EML4: variants seen among roughly 807,000 people sequenced by gnomAD.
The protein encoded by EML4 is echinoderm microtubule-associated protein-like 4.
EML4 carries 72 observed loss-of-function variants against 129.0 expected under a neutral mutation model. The observed-to-expected ratio is 0.56, with a 90% CI of 0.46 to 0.68. EML4 has a LOEUF of 0.68. Among genes scored for constraint, EML4 ranks in the 30% least tolerant of loss-of-function variants. The pLI, the probability that EML4 is intolerant of heterozygous loss-of-function variation, is 0.00. For synonymous variants in EML4, 532 were observed against 405.0 expected (o/e 1.31, Z -3.77); for missense variants, 1,363 against 1,190.6 (o/e 1.14, Z -2.13).
At chr2:42,192,008 A>C (rs1486171176) in intron 1 of EML4, among the ~76,000 whole-genome samples, 2 of 151,708 alleles carry the variant, frequency 1.3e-5, no homozygotes, top group Non-Finnish European at 2.9e-5. Flanking sequence ...GCATGGTGGC[A>C]CATGCCTGTA....
At chr2:42,283,641 A>C (rs1392644550) in intron 8 of EML4, among the ~76,000 whole-genome samples, 1 of 152,174 alleles carries the variant, frequency 6.6e-6, no homozygotes, top group African/African-American at 2.4e-5. Context: ...TTTATCCAGA[A>C]AAAAATTAAT....
At chr2:42,234,393 G>C (rs561555869) in intron 1 of EML4, among the ~76,000 whole-genome samples, 79 of 152,162 alleles carry the variant, frequency 5.2e-4, no homozygotes, top group Non-Finnish European at 2.1e-4. Context: ...TCGGTGGTGG[G>C]AACGGAAGAC....
At chr2:42,223,440 C>G (rs922169059) in intron 1 of EML4, among the ~76,000 whole-genome samples, 1 of 152,100 alleles carries the variant, frequency 6.6e-6, no homozygotes, top group African/African-American at 2.4e-5. Context: ...ATCATTTGAA[C>G]CTGTAAAGAC....
intron 1 of EML4, chr2:42,169,988 C>T (rs1047537000): frequency 7.2e-5 from 17 of 236,438 alleles, no homozygotes; most frequent in Non-Finnish European, 1.3e-4. Context: ...AGAGTTGGGA[C>T]ATTTCTTCAA....
At chr2:42,260,327 C>A (rs1282797720) in intron 3 of EML4, among the ~76,000 whole-genome samples, 1 of 152,150 alleles carries the variant, frequency 6.6e-6, no homozygotes, top group Non-Finnish European at 1.5e-5. Flanking sequence ...GCCACTGCGC[C>A]AAGCTAATTT....
At chr2:42,193,041 C>G (rs1385388888) in intron 1 of EML4, among the ~76,000 whole-genome samples, 1 of 152,170 alleles carries the variant, frequency 6.6e-6, no homozygotes, top group Non-Finnish European at 1.5e-5. Flanking sequence ...TAGTCTTTAG[C>G]TGCAGTACAA....
chr2:42,290,565 CAAAA>C (rs542271059), intron 11 of EML4, among the ~76,000 whole-genome samples: 1 of 115,618 alleles, frequency 8.6e-6, no homozygotes. Context: ...TTGTCTCTAC[CAAAA>C]AAAAAAAAAA....
At chr2:42,285,680 C>G (rs1298170101) in intron 9 of EML4, among the ~76,000 whole-genome samples, 4 of 151,316 alleles carry the variant, frequency 2.6e-5, no homozygotes. Flanking sequence ...CTCACTGCAA[C>G]CTGTGTCTCC....
chr2:42,270,449 T>G (rs1232119849), intron 6 of EML4, among the ~76,000 whole-genome samples: 1 of 152,128 alleles, frequency 6.6e-6, no homozygotes, highest in Non-Finnish European at 1.5e-5. Context: ...TCCCAGCTAC[T>G]TGGGAGGCTG....
chr2:42,247,895 C>G (rs992432748), intron 2 of EML4, among the ~76,000 whole-genome samples: 4 of 151,872 alleles, frequency 2.6e-5, no homozygotes, highest in African/African-American at 9.7e-5. Context: ...ACTCAGAACC[C>G]GAGGGTACAT....
At chr2:42,199,976 G>A (rs1299677685) in intron 1 of EML4, among the ~76,000 whole-genome samples, 2 of 152,040 alleles carry the variant, frequency 1.3e-5, no homozygotes, top group Non-Finnish European at 2.9e-5. Context: ...TCCTTAATGA[G>A]ATGAACAGTG....
At chr2:42,226,620 G>T (rs1673977567) in intron 1 of EML4, among the ~76,000 whole-genome samples, 1 of 152,046 alleles carries the variant, frequency 6.6e-6, no homozygotes, top group Non-Finnish European at 1.5e-5. Context: ...TCGTGCCATT[G>T]CACTCCAGCC....
At chr2:42,292,692 G>A (rs891054295) in intron 11 of EML4, among the ~76,000 whole-genome samples, 3 of 152,116 alleles carry the variant, frequency 2.0e-5, no homozygotes, top group African/African-American at 4.8e-5. Context: ...GCTGAATAGC[G>A]ATGTTTTCAA....
intron 19 of EML4, among the ~76,000 whole-genome samples, chr2:42,323,058 A>G (rs1018843652): frequency 2.6e-5 from 4 of 152,208 alleles, no homozygotes; most frequent in African/African-American, 4.8e-5. Flanking sequence ...TATATATACA[A>G]TGCTTTTGAT....
chr2:42,261,741 G>C (rs1665752119), intron 4 of EML4, among the ~76,000 whole-genome samples: 1 of 152,124 alleles, frequency 6.6e-6, no homozygotes, highest in South Asian at 2.1e-4. Context: ...CTTCACTGTG[G>C]CTGCATCTCA....
intron 1 of EML4, among the ~76,000 whole-genome samples, chr2:42,196,111 T>G (rs545799471): frequency 6.6e-6 from 1 of 152,344 alleles, no homozygotes; most frequent in South Asian, 2.1e-4. Flanking sequence ...GAACCTTGTT[T>G]GTAAAATTTA....
At chr2:42,309,135 A>G (rs554723387) in intron 17 of EML4, among the ~76,000 whole-genome samples, 2 of 152,092 alleles carry the variant, frequency 1.3e-5, no homozygotes, top group African/African-American at 2.4e-5. Flanking sequence ...ACCAGGCACA[A>G]TGGCTCACAC....
chr2:42,299,296 C>T (rs563827026), intron 13 of EML4, among the ~76,000 whole-genome samples: 1 of 152,216 alleles, frequency 6.6e-6, no homozygotes, highest in African/African-American at 2.4e-5. Flanking sequence ...ATACCAAAGC[C>T]TTAGAAATTT....
intron 6 of EML4, among the ~76,000 whole-genome samples, chr2:42,268,464 G>A (rs574848997): frequency 6.6e-6 from 1 of 151,952 alleles, no homozygotes; most frequent in Admixed American, 6.5e-5. Flanking sequence ...TTAGAGACAG[G>A]GTCTCACTCT....
Sources: gnomAD v4.1 joint callset for allele counts (sites outside exome capture counted in the v4.1 genomes callset) on GRCh38, gnomAD v4.1.1 for gene constraint, MANE v1.5 for transcripts, NCBI Gene and HGNC (gene_info 2026-07-23, HGNC 2026-07-21) for gene names.